The following SEMA5A variants were observed in gnomAD, a reference collection of about 807,000 sequenced individuals.
SEMA5A encodes the protein semaphorin-5A.
In SEMA5A, 55 loss-of-function variants were observed where a neutral mutation model predicts 135.5. That is an observed-to-expected ratio of 0.41 (90% CI 0.33 to 0.51). The LOEUF is 0.51. SEMA5A is among the 20% of genes least tolerant of loss of function. The pLI, the probability that SEMA5A is intolerant of heterozygous loss-of-function variation, is 0.37. For synonymous variants in SEMA5A, 580 were observed against 546.5 expected, an observed-to-expected ratio of 1.06 and a Z score of -0.85; for missense variants, 1,290 against 1,419.9, an observed-to-expected ratio of 0.91 and a Z score of 1.47.
At chr5:9,297,104 A>G (rs1321822003) in intron 5 of SEMA5A, among the ~76,000 whole-genome samples, 4 of 152,008 alleles carry the variant, frequency 2.6e-5, no homozygotes, top group African/African-American at 9.7e-5. Context: ...GTGGTCACCC[A>G]AGAAAATGCA....
intron 3 of SEMA5A, among the ~76,000 whole-genome samples, chr5:9,366,387 G>T (rs1293004872): frequency 6.6e-6 from 1 of 150,466 alleles, no homozygotes; most frequent in Non-Finnish European, 1.5e-5. Flanking sequence ...CTGCAATAAA[G>T]AATTCTTTTT....
chr5:9,309,196 T>C (rs1752008717), intron 5 of SEMA5A, among the ~76,000 whole-genome samples: 1 of 152,146 alleles, frequency 6.6e-6, no homozygotes. Flanking sequence ...AGAGGTTAAG[T>C]GGCTTGCTCA....
chr5:9,065,274 T>C (rs1266891762), intron 17 of SEMA5A, among the ~76,000 whole-genome samples: 1 of 152,160 alleles, frequency 6.6e-6, no homozygotes, highest in Non-Finnish European at 1.5e-5. Context: ...ATCCAGGCTG[T>C]TCACCAGCTC....
chr5:9,113,489 C>A (rs187667254), intron 15 of SEMA5A, among the ~76,000 whole-genome samples: 1 of 152,088 alleles, frequency 6.6e-6, no homozygotes, highest in Admixed American at 6.5e-5. Context: ...AAATTTGTGA[C>A]GTGATGCATG....
At chr5:9,194,247 C>G (rs1461378796) in intron 10 of SEMA5A, among the ~76,000 whole-genome samples, 2 of 152,068 alleles carry the variant, frequency 1.3e-5, no homozygotes, top group African/African-American at 4.8e-5. Context: ...TATATTTTGT[C>G]CGAAAAAAAT....
At chr5:9,224,648 G>C (rs1407456695) in intron 8 of SEMA5A, 26 bp downstream of exon 8, 4 of 1,606,812 alleles carry the variant, frequency 2.5e-6, no homozygotes, top group Non-Finnish European at 3.4e-6. Flanking sequence ...AATGAGGTGA[G>C]AAAGAGGGAG....
Position 9,136,492 on chromosome 5 carries a change from G to T in SEMA5A, c.1599+12C>A. 6.2e-7 allele frequency: 1 copy of T among 1,604,586 alleles called. No individual in the cohort carries two copies. Among genetic ancestry groups the T allele is most frequent in the Non-Finnish European group, 8.5e-7 (1 of 1,171,346 alleles). Reference sequence around the variant, plus strand: ...GCAGCATTTTCAGAGGATGGAGAAGGTGGGCACTCACCGGACACGCAGAGA... The same window carrying T: ...GCAGCATTTTCAGAGGATGGAGAAGTTGGGCACTCACCGGACACGCAGAGA... On this transcript the variant is annotated intron_variant, in intron 13 of 22. Coordinates refer to ENST00000382496, the MANE Select transcript of SEMA5A (RefSeq NM_003966.3).
chr5:9,152,138 C>A (rs1742665785), intron 12 of SEMA5A, among the ~76,000 whole-genome samples: 2 of 152,190 alleles, frequency 1.3e-5, no homozygotes, highest in Admixed American at 1.3e-4. Flanking sequence ...AGATGAATTG[C>A]CTCATGCTCT....
intron 8 of SEMA5A, among the ~76,000 whole-genome samples, chr5:9,209,145 CA>C (rs1374696464): frequency 3.9e-5 from 6 of 152,158 alleles, no homozygotes; most frequent in African/African-American, 1.4e-4. Flanking sequence ...CCTACAAGTC[CA>C]AAACTCACAC....
At chr5:9,168,562 C>G (rs1318247416) in intron 11 of SEMA5A, among the ~76,000 whole-genome samples, 1 of 152,178 alleles carries the variant, frequency 6.6e-6, no homozygotes, top group Non-Finnish European at 1.5e-5. Flanking sequence ...CAAGGGCCTC[C>G]CTCCATCTCA....
chr5:9,103,722 A>G (rs758026733), intron 16 of SEMA5A, among the ~76,000 whole-genome samples: 20 of 152,226 alleles, frequency 1.3e-4, no homozygotes, highest in Non-Finnish European at 2.8e-4. Context: ...AAATAAGGTA[A>G]ATCTGCTAAA....
rs1346710490 is a variant in SEMA5A, at chr5:9,190,294, G to A, written c.1246C>T (p.Leu416Phe). The A allele has an allele frequency of 1.3e-5, 21 of 1,614,126 alleles. No individual in the cohort carries two copies. The highest frequency in any genetic ancestry group is 1.8e-5 in the Non-Finnish European group (21 of 1,180,024). ...AVDVVQGREALVHIIYLATDY... is the reference protein window; with the variant it reads ...AVDVVQGREAFVHIIYLATDY... ...GTGGCCAAATAGATGATGTGGACGA[G>A]CGCTTCTCTGCCCTGCACCACGTCG... The change falls in exon 11 of 23, where the codon CTC becomes TTC. Residue 416 changes from leucine to phenylalanine, a missense_variant. Leu to Phe is a conservative substitution (Grantham distance 22, BLOSUM62 0). This residue lies in a region of SEMA5A where 1,029 missense variants were observed against 1,086.6 expected (regional missense o/e 0.95). Transcript: ENST00000382496.
chr5:9,070,549 C>A (rs1485916651), intron 16 of SEMA5A, among the ~76,000 whole-genome samples: 1 of 152,200 alleles, frequency 6.6e-6, no homozygotes, highest in Non-Finnish European at 1.5e-5. Context: ...AAACTTCATT[C>A]TTTCTATGGA....
At chr5:9,078,812 T>A (rs922308245) in intron 16 of SEMA5A, among the ~76,000 whole-genome samples, 1 of 152,128 alleles carries the variant, frequency 6.6e-6, no homozygotes, top group Non-Finnish European at 1.5e-5. Context: ...GCCATACTCA[T>A]GTCCTTGGGA....
At chr5:9,338,148 T>C (rs1753480173) in intron 3 of SEMA5A, among the ~76,000 whole-genome samples, 1 of 152,238 alleles carries the variant, frequency 6.6e-6, no homozygotes, top group African/African-American at 2.4e-5. Context: ...GAATACTGAA[T>C]GCAAACAAGA....
intron 2 of SEMA5A, among the ~76,000 whole-genome samples, chr5:9,398,334 G>A (rs1756491516): frequency 6.6e-6 from 1 of 152,200 alleles, no homozygotes. Context: ...GAGCTAAAGT[G>A]TTCAAAAACA....
intron 1 of SEMA5A, among the ~76,000 whole-genome samples, chr5:9,443,344 G>C (rs1269221478): frequency 6.6e-6 from 1 of 152,122 alleles, no homozygotes; most frequent in Admixed American, 6.5e-5. Context: ...AGCAGAGAGA[G>C]GGGAGAGGGG....
At chr5:9,387,097 A>G (rs1269163520) in intron 2 of SEMA5A, among the ~76,000 whole-genome samples, 1 of 152,236 alleles carries the variant, frequency 6.6e-6, no homozygotes, top group African/African-American at 2.4e-5. Context: ...AGGCCACATC[A>G]GGATGGGTCC....
chr5:9,196,799 G>T (rs545650034), intron 10 of SEMA5A, among the ~76,000 whole-genome samples: 2 of 152,250 alleles, frequency 1.3e-5, no homozygotes, highest in African/African-American at 4.8e-5. Flanking sequence ...CTGCTGCTCT[G>T]TGCCCTGGAC....
Sources: allele counts gnomAD v4.1 joint callset (sites outside exome capture counted in the v4.1 genomes callset), GRCh38; gene constraint gnomAD v4.1.1; regional missense constraint gnomAD v4.1.1; transcripts MANE v1.5; gene names NCBI Gene and HGNC (gene_info 2026-07-23, HGNC 2026-07-21).